SLC36A3: variants seen among roughly 807,000 people sequenced by gnomAD.
SLC36A3 encodes the protein proton-coupled amino acid transporter 3.
A neutral mutation model predicts 44.3 loss-of-function variants in SLC36A3; 35 were observed. The observed-to-expected ratio is 0.79, with a 90% CI of 0.60 to 1.05. SLC36A3 has a LOEUF of 1.05. SLC36A3 is among the 50% of genes least tolerant of loss of function. The pLI is 0.00. For synonymous variants in SLC36A3, 211 were observed against 227.6 expected, an observed-to-expected ratio of 0.93 and a Z score of 0.66; for missense variants, 540 against 578.7, an observed-to-expected ratio of 0.93 and a Z score of 0.69.
At chr5:151,295,386 G>A (rs1030776478) in intron 3 of SLC36A3, among the ~76,000 whole-genome samples, 2 of 152,208 alleles carry the variant, frequency 1.3e-5, no homozygotes, top group Non-Finnish European at 1.5e-5. Context: ...ATTTAACTAC[G>A]GAATGAGTAA....
chr5:151,293,825 C>T (rs1387514103), intron 3 of SLC36A3, among the ~76,000 whole-genome samples: 1 of 152,156 alleles, frequency 6.6e-6, no homozygotes, highest in Non-Finnish European at 1.5e-5. Flanking sequence ...CTTCCCATTG[C>T]TGATGGTGTC....
chr5:151,281,062 C>T lies in SLC36A3; in HGVS notation c.1096G>A (p.Ala366Thr), dbSNP rs1754296470. The change falls in exon 9 of 10, where the codon GCA (alanine) becomes ACA (threonine). Residue 366 changes from alanine to threonine, a missense_variant. By Grantham distance (58) the Ala-to-Thr change is moderately conservative (BLOSUM62 0). Transcript: ENST00000335230. ...FAISQVSESW[A>T]LFVDLSVRSA... ...CGGACAGACAGGTCTACAAACAGTGCCCAGCTCTCTGACACTTGGGAGATG... is the reference window on the plus strand; with the variant it reads ...CGGACAGACAGGTCTACAAACAGTGTCCAGCTCTCTGACACTTGGGAGATG... 5 of 1,614,038 alleles carry T rather than the reference C, an allele frequency of 3.1e-6. No individual in the cohort carries two copies. The highest frequency in any genetic ancestry group is 1.3e-5 in the African/African-American group (1 of 74,900).
At chr5:151,281,951 G>C (rs964681840) in intron 8 of SLC36A3, among the ~76,000 whole-genome samples, 6 of 152,074 alleles carry the variant, frequency 3.9e-5, no homozygotes, top group African/African-American at 1.4e-4. Flanking sequence ...CAACCATTCA[G>C]AGTTTTCTTG....
chr5:151,288,567 A>G, intron 4 of SLC36A3, 97 bp from the exon 5 acceptor site: 2 of 1,011,330 alleles, frequency 2.0e-6, no homozygotes, highest in Non-Finnish European at 2.7e-6. Context: ...TTTTGTTATT[A>G]TTTTTAAAAA....
intron 8 of SLC36A3, 131 bp downstream of exon 8, chr5:151,283,913 C>T: frequency 8.6e-7 from 1 of 1,163,438 alleles, no homozygotes; most frequent in African/African-American, 1.6e-5. Flanking sequence ...GCAGTGTGAG[C>T]AGGAGAGACA....
rs1222860943 is a variant in SLC36A3, at chr5:151,277,220, T to A, written c.*173A>T. On this transcript the variant is annotated 3_prime_UTR_variant, in exon 10 of 10. Coordinates refer to ENST00000335230, the MANE Select transcript of SLC36A3 (RefSeq NM_181774.4). ...CCAAAAAATATAAAACCAAAAGAGG[T>A]GTAGCCTGAGAGACATCAGTGCTAA... The A allele has an allele frequency of 1.0e-5, 9 of 862,658 alleles. No individual in the cohort carries two copies. Among genetic ancestry groups the A allele is most frequent in the Middle Eastern group, 3.6e-4 (1 of 2,778 alleles). 53.4% of individuals were successfully genotyped at this position (862,658 alleles called of 1,614,324 possible). A position where few individuals can be genotyped will look rare whatever the true frequency, so the allele number is the denominator to read the frequency against.
intron 2 of SLC36A3, chr5:151,296,477 G>T: frequency 1.7e-6 from 1 of 597,048 alleles, no homozygotes; most frequent in South Asian, 2.1e-5. Context: ...CTTCTGCTAG[G>T]ATACTTCCAG....
chr5:151,283,704 C>T lies in SLC36A3; in HGVS notation c.974+340G>A, dbSNP rs954643068. 7.9e-5 allele frequency among the ~76,000 whole-genome samples: 12 copies of T among 152,306 alleles called. No individual in the cohort carries two copies. In the South Asian group the frequency reaches 1.7e-3, roughly 21 times the overall value. On this transcript the variant is annotated intron_variant, in intron 8 of 9. Transcript: ENST00000335230. The stretch of plus-strand genomic sequence containing the variant: ...GATGCATAACAATGATAATAGCTAA[C>T]GCTCATGAATGCTTACCACGTGCTA...
At chr5:151,282,360 G>A (rs779576143) in intron 8 of SLC36A3, among the ~76,000 whole-genome samples, 1 of 151,892 alleles carries the variant, frequency 6.6e-6, no homozygotes, top group South Asian at 2.1e-4. Flanking sequence ...TAGAGACGGG[G>A]TTTCTCTATG....
chr5:151,290,723 A>G (rs1754726942), intron 4 of SLC36A3, among the ~76,000 whole-genome samples: 1 of 151,986 alleles, frequency 6.6e-6, no homozygotes, highest in Non-Finnish European at 1.5e-5. Context: ...GTGAAACCCC[A>G]TCTCTACTAA....
chr5:151,280,440 C>T (rs1344511161), intron 9 of SLC36A3, among the ~76,000 whole-genome samples: 2 of 152,096 alleles, frequency 1.3e-5, no homozygotes, highest in African/African-American at 4.8e-5. Context: ...GGCAACAGAG[C>T]GAGACTCTGT....
chr5:151,281,205 G>A (rs1580804094), intron 8 of SLC36A3, 22 bp from the exon 9 acceptor site: 4 of 1,589,158 alleles, frequency 2.5e-6, no homozygotes, highest in South Asian at 1.2e-5. Flanking sequence ...TGAATTGGAT[G>A]TGAAAGGTGA....
chr5:151,298,322 T>A, intron 2 of SLC36A3: 1 of 331,710 alleles, frequency 3.0e-6, no homozygotes, highest in Non-Finnish European at 5.1e-6. Flanking sequence ...GAGCTGCATG[T>A]GATCCTAGGA....
At position 151,281,041 on chromosome 5, in the gene SLC36A3, C is replaced by T. The variant is rs772557055; in HGVS notation, c.1117G>A (p.Val373Ile). 1 of 1,614,176 alleles carries T rather than the reference C, an allele frequency of 6.2e-7. No homozygotes were observed. The highest frequency in any genetic ancestry group is 1.1e-5 in the South Asian group (1 of 91,090). ...GTTAGACAGACCAAGGCTGAGCGGA[C>T]AGACAGGTCTACAAACAGTGCCCAG... ...ESWALFVDLSVRSALVCLTCV... is the reference protein window; with the variant it reads ...ESWALFVDLSIRSALVCLTCV... Residue 373 changes from valine (V) to isoleucine (I), a missense_variant, in exon 9 of 10, where the codon GTC (valine) becomes ATC (isoleucine). Physicochemically the swap from Val to Ile is conservative, Grantham distance 29. Transcript: ENST00000335230.
At chr5:151,287,152 C>T in intron 6 of SLC36A3, 94 bp downstream of exon 6, 1 of 1,280,128 alleles carries the variant, frequency 7.8e-7, no homozygotes, top group Non-Finnish European at 1.1e-6. Flanking sequence ...GGATCACCTT[C>T]CTCAGCTTCA....
intron 3 of SLC36A3, among the ~76,000 whole-genome samples, chr5:151,294,610 A>G (rs1754890974): frequency 6.6e-6 from 1 of 151,776 alleles, no homozygotes; most frequent in African/African-American, 2.4e-5. Context: ...GAAATCTCCA[A>G]TTCACATTTT....
Position 151,298,575 on chromosome 5 carries a change from C to T in SLC36A3, c.219+18G>A. The T allele has an allele frequency of 3.7e-6, 6 of 1,613,616 alleles. No individual in the cohort carries two copies. The highest frequency in any genetic ancestry group is 5.1e-6 in the Non-Finnish European group (6 of 1,179,566). On this transcript the variant is annotated intron_variant, in intron 2 of 9. Transcript: ENST00000335230. ...GCAAATGAGCAAACCTAGTTCCCAT[C>T]CCACAGATGCCTCTTACCAACAAGC... is the stretch of plus-strand genomic sequence containing the variant.
At chr5:151,286,331 C>T (rs1754534389) in intron 6 of SLC36A3, among the ~76,000 whole-genome samples, 1 of 152,148 alleles carries the variant, frequency 6.6e-6, no homozygotes, top group Non-Finnish European at 1.5e-5. Flanking sequence ...CTTGCTCTGT[C>T]ACCCAGGCTG....
At chr5:151,299,230 C>G (rs1755069904) in intron 1 of SLC36A3, among the ~76,000 whole-genome samples, 1 of 53,674 alleles carries the variant, frequency 1.9e-5, no homozygotes, top group African/African-American at 8.1e-5. Context: ...TGTGCGCTCT[C>G]TCTCTCTCTC....
Sources: allele counts gnomAD v4.1 joint callset (sites outside exome capture counted in the v4.1 genomes callset), GRCh38; gene constraint gnomAD v4.1.1; transcripts MANE v1.5; gene names NCBI Gene and HGNC (gene_info 2026-07-23, HGNC 2026-07-21).